PTPRD: variants seen among roughly 807,000 people sequenced by gnomAD.
The protein encoded by PTPRD is receptor-type tyrosine-protein phosphatase delta.
A neutral mutation model predicts 214.5 loss-of-function variants in PTPRD; 34 were observed. The ratio of observed to expected loss-of-function variants is 0.16; its 90% CI spans 0.12 to 0.21. The LOEUF is 0.21. Ranked by LOEUF, PTPRD falls within the 10% of genes least tolerant of loss-of-function variation. The probability of loss-of-function intolerance (pLI) is 1.00; values close to 1 mark genes in which losing one functional copy is unlikely to be tolerated. For synonymous variants in PTPRD, 1,128 were observed against 845.7 expected (o/e 1.33, Z -5.79); for missense variants, 2,545 against 2,398.7 (o/e 1.06, Z -1.27).
At chr9:8,511,673 C>A (rs2097685530) in intron 21 of PTPRD, among the ~76,000 whole-genome samples, 1 of 151,846 alleles carries the variant, frequency 6.6e-6, no homozygotes, top group African/African-American at 2.4e-5. Context: ...ACCAGATTTA[C>A]AATAGGACAT....
intron 3 of PTPRD, among the ~76,000 whole-genome samples, chr9:10,222,517 T>A (rs1222709536): frequency 6.6e-6 from 1 of 152,130 alleles, no homozygotes; most frequent in Non-Finnish European, 1.5e-5. Context: ...TGCAGTGACT[T>A]AATATGAGTG....
At chr9:8,672,101 T>A (rs932677424) in intron 12 of PTPRD, among the ~76,000 whole-genome samples, 52 of 152,196 alleles carry the variant, frequency 3.4e-4, no homozygotes, top group African/African-American at 1.2e-3. Context: ...TGTTGTACCA[T>A]CTTTTTGGTT....
At chr9:8,545,323 C>G in intron 14 of PTPRD, among the ~76,000 whole-genome samples, 1 of 152,120 alleles carries the variant, frequency 6.6e-6, no homozygotes, top group Non-Finnish European at 1.5e-5. Context: ...TTTCGTGATT[C>G]CAAATGGAAC....
At chr9:10,215,880 A>G (rs1214778273) in intron 3 of PTPRD, among the ~76,000 whole-genome samples, 1 of 152,036 alleles carries the variant, frequency 6.6e-6, no homozygotes, top group Non-Finnish European at 1.5e-5. Context: ...GATGCTATTT[A>G]TAAGATTCAA....
intron 10 of PTPRD, among the ~76,000 whole-genome samples, chr9:9,069,227 G>A (rs775699435): frequency 2.0e-5 from 3 of 152,006 alleles, no homozygotes; most frequent in African/African-American, 7.3e-5. Context: ...AATGAAAATA[G>A]CCCCAAATTA....
intron 11 of PTPRD, among the ~76,000 whole-genome samples, chr9:9,001,336 C>T (rs1051601926): frequency 6.6e-6 from 1 of 151,966 alleles, no homozygotes; most frequent in African/African-American, 2.4e-5. Flanking sequence ...TACTTTTCGT[C>T]TTGTATGGAT....
intron 6 of PTPRD, among the ~76,000 whole-genome samples, chr9:9,766,349 A>C (rs1484479941): frequency 6.6e-6 from 1 of 152,044 alleles, no homozygotes; most frequent in African/African-American, 2.4e-5. Context: ...TAATGTGTTT[A>C]TTTTCCTAAT....
intron 11 of PTPRD, among the ~76,000 whole-genome samples, chr9:8,866,959 G>A (rs1474633266): frequency 6.6e-6 from 1 of 152,172 alleles, no homozygotes. Flanking sequence ...GTGGCAAAAT[G>A]TTATAAGCGG....
At chr9:9,743,225 A>G (rs531519228) in intron 6 of PTPRD, among the ~76,000 whole-genome samples, 1 of 152,314 alleles carries the variant, frequency 6.6e-6, no homozygotes, top group African/African-American at 2.4e-5. Flanking sequence ...ATGTAAAGTC[A>G]CATGCCAAAT....
rs903704693 is a variant in PTPRD, at chr9:9,704,257, C to CT, written c.-287+30275dup. The stretch of plus-strand genomic sequence containing the variant: ...CCATCAAATCGCATTCTTCTTTTTT[C>CT]TTTTTTTTTGTCACCAGCATTCTAC... On this transcript the variant is annotated intron_variant, in intron 7 of 45. Coordinates refer to ENST00000381196, the MANE Select transcript of PTPRD (RefSeq NM_002839.4). 8.3e-4 allele frequency among the ~76,000 whole-genome samples: 125 copies of CT among 150,734 alleles called. 1 individual carries two copies. Among genetic ancestry groups the CT allele is most frequent in the East Asian group, 2.5e-3 (13 of 5,146 alleles).
rs941529616 is a variant in PTPRD at position 8,317,515 on chromosome 9, C to G, written c.*359G>C. ...ACACCAGCACATATCTTGTGCTGAA[C>G]TGCAGCATTCTGGCAATTTCTCCTT... On this transcript the variant is annotated 3_prime_UTR_variant, in exon 46 of 46. Transcript: ENST00000381196. 1.1e-5 allele frequency: 3 copies of G among 271,546 alleles called. No homozygotes were observed. Among genetic ancestry groups the G allele is most frequent in the Non-Finnish European group, 2.2e-5 (3 of 138,794 alleles). 16.8% of individuals were successfully genotyped at this position (271,546 alleles called of 1,614,324 possible).
chr9:9,816,200 GCAGA>G (rs930534572), intron 5 of PTPRD, among the ~76,000 whole-genome samples: 1 of 152,042 alleles, frequency 6.6e-6, no homozygotes, highest in Non-Finnish European at 1.5e-5. Context: ...TCTGAAAGAA[GCAGA>G]CAATTTTCAT....
At chr9:10,489,234 G>C (rs993980740) in intron 2 of PTPRD, among the ~76,000 whole-genome samples, 1 of 152,108 alleles carries the variant, frequency 6.6e-6, no homozygotes, top group African/African-American at 2.4e-5. Flanking sequence ...CTGCCCCTGG[G>C]TGTGTCTAGA....
chr9:9,327,233 G>T (rs1197542949), intron 9 of PTPRD, among the ~76,000 whole-genome samples: 1 of 152,094 alleles, frequency 6.6e-6, no homozygotes. Context: ...TAAACAACAA[G>T]AATGTAAATT....
intron 9 of PTPRD, among the ~76,000 whole-genome samples, chr9:9,284,505 C>T (rs1159361666): frequency 6.6e-6 from 1 of 151,668 alleles, no homozygotes; most frequent in Non-Finnish European, 1.5e-5. Context: ...TTCGCTACCC[C>T]TCACTCCCAC....
At chr9:9,267,130 G>A (rs146773332) in intron 9 of PTPRD, among the ~76,000 whole-genome samples, 1 of 151,236 alleles carries the variant, frequency 6.6e-6, no homozygotes, top group Admixed American at 6.6e-5. Flanking sequence ...TATATGTATT[G>A]AAACATCACT....
intron 3 of PTPRD, among the ~76,000 whole-genome samples, chr9:10,231,426 A>C (rs1307856828): frequency 3.3e-5 from 5 of 151,984 alleles, no homozygotes; most frequent in Non-Finnish European, 7.4e-5. Context: ...AGTCAAGCTA[A>C]GTATAAAAGG....
At chr9:8,410,468 CTTTGTCCAATTAG>C (rs148548507) in intron 35 of PTPRD, among the ~76,000 whole-genome samples, 11,193 of 152,146 alleles carry the variant, frequency 0.074, 513 homozygotes, top group Non-Finnish European at 0.099. Flanking sequence ...TCTTATCTCT[CTTTGTCCAATTAG>C]TTATCAAATC....
At chr9:9,852,268 G>C (rs1248958535) in intron 5 of PTPRD, among the ~76,000 whole-genome samples, 5 of 152,170 alleles carry the variant, frequency 3.3e-5, no homozygotes, top group East Asian at 1.9e-4. Flanking sequence ...GAGATGATGA[G>C]AGCAGTTGAT....
Sources: gnomAD v4.1 joint callset for allele counts (sites outside exome capture counted in the v4.1 genomes callset) on GRCh38, gnomAD v4.1.1 for gene constraint, MANE v1.5 for transcripts, NCBI Gene and HGNC (gene_info 2026-07-23, HGNC 2026-07-21) for gene names.